Variants in RNF167 observed in about 807,000 individuals in gnomAD.
The protein encoded by RNF167 is E3 ubiquitin-protein ligase RNF167.
In RNF167, 19 loss-of-function variants were observed where a neutral mutation model predicts 34.8. The observed-to-expected ratio is 0.55, with a 90% CI of 0.38 to 0.80. The LOEUF is 0.80. RNF167 is among the 30% of genes least tolerant of loss of function. RNF167 has a pLI of 0.00. For missense variants in RNF167, 464 were observed against 447.0 expected, an observed-to-expected ratio of 1.04 and a Z score of -0.34; for synonymous variants, 200 against 170.4, an observed-to-expected ratio of 1.17 and a Z score of -1.35.
Position 4,943,160 on chromosome 17 carries a change from C to G in RNF167, c.471-19C>G. ...CTTTGCCTTTCTCGCCCTGCTGAGA[C>G]TGGTCATCCTTTTCCCAGGGCTCGG... On this transcript the variant is annotated intron_variant, in intron 6 of 9. Coordinates refer to ENST00000262482, the MANE Select transcript of RNF167 (RefSeq NM_015528.3). The G allele has an allele frequency of 4.4e-6, 7 of 1,606,204 alleles. No individual in the cohort carries two copies. Among genetic ancestry groups the G allele is most frequent in the Non-Finnish European group, 6.0e-6 (7 of 1,173,210 alleles).
chr17:4,943,962 A>C (rs1459858558), intron 8 of RNF167, among the ~76,000 whole-genome samples: 1 of 152,248 alleles, frequency 6.6e-6, no homozygotes, highest in Non-Finnish European at 1.5e-5. Context: ...ACTGTGCTCC[A>C]GCCTGGGCGA....
chr17:4,942,030 AGAATT>A (rs1169312779), intron 3 of RNF167, among the ~76,000 whole-genome samples: 2 of 152,234 alleles, frequency 1.3e-5, no homozygotes, highest in Non-Finnish European at 2.9e-5. Flanking sequence ...GGGTGGTTTG[AGAATT>A]GAATTACAAT....
In RNF167 at chr17:4,944,707, C is replaced by T. The variant is rs780552495; in HGVS notation, c.752-8C>T. ...CCACCAGGTGCTTCACCTTGTTCCT[C>T]TCTGCAGCCTACCACAGCCGCTGCG... On this transcript the variant is annotated splice_polypyrimidine_tract_variant and splice_region_variant and intron_variant, in intron 9 of 9. Transcript: ENST00000262482. 5 of 1,614,024 alleles carry T rather than the reference C, an allele frequency of 3.1e-6. No individual in the cohort carries two copies. The highest frequency in any genetic ancestry group is 4.2e-6 in the Non-Finnish European group (5 of 1,180,024).
rs1971193364 is a variant in RNF167, at chr17:4,944,590, G to A, written c.703G>A (p.Asp235Asn). ...GTATGATGTCTGTGCCATTTGCCTG[G>A]ATGAATATGAGGATGGGGACAAGCT... ...DQYDVCAICL[D>N]EYEDGDKLRV... Residue 235 changes from aspartate to asparagine, a missense_variant, in exon 9 of 10, where the codon GAT (aspartate) becomes AAT (asparagine). By Grantham distance (23) the Asp-to-Asn change is conservative (BLOSUM62 1). Transcript: ENST00000262482. 7 of 1,608,966 alleles carry A rather than the reference G, an allele frequency of 4.4e-6. No homozygotes were observed. The highest frequency in any genetic ancestry group is 4.0e-5 in the African/African-American group (3 of 74,672).
chr17:4,940,878 G>C lies in RNF167; in HGVS notation c.-32G>C. The stretch of plus-strand genomic sequence containing the variant: ...CTTCTGCTCCTTGCTACCAGGACGC[G>C]CGGCCTCCTCAGCCTCTTTCCTCCC... On this transcript the variant is annotated 5_prime_UTR_variant, in exon 2 of 10. Transcript: ENST00000262482. 1.3e-6 allele frequency: 2 copies of C among 1,524,828 alleles called. No individual in the cohort carries two copies. The highest frequency in any genetic ancestry group is 1.8e-6 in the Non-Finnish European group (2 of 1,133,122). The allele number at this position is 1,524,828 out of a possible 1,614,324, so 94.5% of individuals were successfully genotyped here. A position where few individuals can be genotyped will look rare whatever the true frequency, so the allele number is the denominator to read the frequency against.
intron 6 of RNF167, 116 bp from the exon 7 acceptor site, chr17:4,943,059 TTGAC>T (rs1311465386): frequency 6.9e-6 from 9 of 1,300,774 alleles, no homozygotes; most frequent in Middle Eastern, 2.0e-4. Context: ...CCCTGCCTCT[TTGAC>T]TTTCTTCCCA....
intron 8 of RNF167, 95 bp from the exon 9 acceptor site, chr17:4,944,463 T>C: frequency 2.7e-6 from 4 of 1,506,380 alleles, no homozygotes; most frequent in Non-Finnish European, 3.5e-6. Context: ...CCACTGGCTT[T>C]GTAGGTGAGG....
chr17:4,941,279 T>A, intron 3 of RNF167, 122 bp downstream of exon 3: 1 of 843,418 alleles, frequency 1.2e-6, no homozygotes, highest in Non-Finnish European at 1.9e-6. Flanking sequence ...TTGTCCTGGG[T>A]GAAACTGGAG....
Position 4,942,844 on chromosome 17 carries a change from C to T in RNF167, c.380-7C>T, listed in dbSNP as rs753812629. ...GAGTCCCCAGAGTAACACCTTGATC[C>T]CTGCAGAGGAAATCCAGCAGCAGAT... is the stretch of plus-strand genomic sequence containing the variant. On this transcript the variant is annotated splice_polypyrimidine_tract_variant and splice_region_variant and intron_variant, in intron 5 of 9. Transcript: ENST00000262482. The T allele has an allele frequency of 6.2e-7, 1 of 1,613,516 alleles. No homozygotes were observed. The highest frequency in any genetic ancestry group is 8.5e-7 in the Non-Finnish European group (1 of 1,179,454).
In RNF167 at chr17:4,943,508, A is replaced by G. The variant is rs746761697; in HGVS notation, c.659A>G (p.Asp220Gly). ...KEQLKQIPTH[D>G]YQKGDQYDVC... ...CAACTGAAACAGATTCCTACACATG[A>G]CTATCAGAAGGGTGAGGGGGTTAGG... Residue 220 changes from aspartate to glycine, a missense_variant, in exon 8 of 10, where the codon GAC (aspartate) becomes GGC (glycine). Coordinates refer to ENST00000262482, the MANE Select transcript of RNF167 (RefSeq NM_015528.3). 1 of 1,613,148 alleles carries G rather than the reference A, an allele frequency of 6.2e-7. No individual in the cohort carries two copies. The highest frequency in any genetic ancestry group is 2.2e-5 in the East Asian group (1 of 44,878).
intron 8 of RNF167, 191 bp from the exon 9 acceptor site, chr17:4,944,367 C>T (rs1971161745): frequency 7.6e-7 from 1 of 1,317,980 alleles, no homozygotes. Flanking sequence ...CCCTTCTTAC[C>T]TCTGCTTCTC....
rs747483870 is a variant in RNF167, at chr17:4,944,761, G to A, written c.798G>A (p.Lys266=). ...CVDPWLTQTR[K]TCPICKQPVH... ...ACCCCTGGCTCACTCAGACCCGGAAGACCTGCCCCATTTGCAAGCAGCCTG... is the reference window on the plus strand; with the variant it reads ...ACCCCTGGCTCACTCAGACCCGGAAAACCTGCCCCATTTGCAAGCAGCCTG... Residue 266 remains lysine, a synonymous_variant, in exon 10 of 10, where the codon AAG becomes AAA. Transcript: ENST00000262482. The A allele has an allele frequency of 1.2e-6, 2 of 1,613,222 alleles. No individual in the cohort carries two copies. The highest frequency in any genetic ancestry group is 1.7e-6 in the Non-Finnish European group (2 of 1,179,526).
At chr17:4,944,000 A>G (rs758552446) in intron 8 of RNF167, among the ~76,000 whole-genome samples, 1 of 152,206 alleles carries the variant, frequency 6.6e-6, no homozygotes. Flanking sequence ...TCAAAAAAAT[A>G]ATAATAAAAA....
chr17:4,942,313 C>T, intron 3 of RNF167, 28 bp from the exon 4 acceptor site: 1 of 1,610,300 alleles, frequency 6.2e-7, no homozygotes, highest in Non-Finnish European at 8.5e-7. Flanking sequence ...AAGGAGAAAT[C>T]TCACTGTTGT....
In RNF167 at chr17:4,944,611, A is replaced by G. The variant is rs147438166; in HGVS notation, c.724A>G (p.Lys242Glu). The G allele has an allele frequency of 1.4e-5, 22 of 1,612,408 alleles. No individual in the cohort carries two copies. The highest frequency in any genetic ancestry group is 5.0e-5 in the Admixed American group (3 of 59,588). ...CCTGGATGAATATGAGGATGGGGACAAGCTGCGGGTACTCCCCTGTGCTCA... is the reference window on the plus strand; with the variant it reads ...CCTGGATGAATATGAGGATGGGGACGAGCTGCGGGTACTCCCCTGTGCTCA... ...ICLDEYEDGD[K>E]LRVLPCAHAY... is the part of the protein sequence containing the mutation. The change falls in exon 9 of 10, where the codon AAG becomes GAG. Residue 242 changes from lysine (K) to glutamate (E), a missense_variant. Physicochemically the swap from Lys to Glu is moderately conservative, Grantham distance 56. Transcript: ENST00000262482.
chr17:4,944,886 C>G lies in RNF167; in HGVS notation c.923C>G (p.Thr308Ser), dbSNP rs1397000753. The G allele has an allele frequency of 1.9e-6, 3 of 1,614,004 alleles. No homozygotes were observed. The highest frequency in any genetic ancestry group is 2.5e-6 in the Non-Finnish European group (3 of 1,179,968). The change falls in exon 10 of 10, where the codon ACC (threonine) becomes AGC (serine). Residue 308 changes from threonine (T) to serine (S), a missense_variant. Transcript: ENST00000262482. ...EPRDHPASER[T>S]PLLGSSPTLP... ...AGGGACCACCCTGCCTCAGAAAGGA[C>G]CCCACTTTTGGGTTCTAGCCCCACT...
chr17:4,944,883 G>C lies in RNF167; in HGVS notation c.920G>C (p.Arg307Thr). Reference protein sequence around the residue: ...GEPRDHPASERTPLLGSSPTL... With the variant: ...GEPRDHPASETTPLLGSSPTL... ...CCAAGGGACCACCCTGCCTCAGAAA[G>C]GACCCCACTTTTGGGTTCTAGCCCC... The change falls in exon 10 of 10, where the codon AGG (arginine) becomes ACG (threonine). Residue 307 changes from arginine to threonine, a missense_variant. Coordinates refer to ENST00000262482, the MANE Select transcript of RNF167 (RefSeq NM_015528.3). 6.2e-6 allele frequency: 10 copies of C among 1,613,994 alleles called. No individual in the cohort carries two copies. The highest frequency in any genetic ancestry group is 1.7e-4 in the Middle Eastern group (1 of 6,060).
Position 4,942,407 on chromosome 17 carries a change from G to C in RNF167, c.232G>C (p.Val78Leu), listed in dbSNP as rs1230482797. Reference protein sequence around the residue: ...SPIAPPPPAPVNGSVFIALLR... With the variant: ...SPIAPPPPAPLNGSVFIALLR... ...CATTGCCCCACCACCCCCAGCCCCG[G>C]TCAATGGGTCAGTCTTTATTGCGCT... Residue 78 changes from valine (V) to leucine (L), a missense_variant, in exon 4 of 10, where the codon GTC becomes CTC. By Grantham distance (32) the Val-to-Leu change is conservative. Transcript: ENST00000262482. 1.9e-6 allele frequency: 3 copies of C among 1,614,166 alleles called. No individual in the cohort carries two copies. The highest frequency in any genetic ancestry group is 2.2e-5 in the East Asian group (1 of 44,864).
In RNF167 at chr17:4,941,013, G is replaced by A. The variant is rs890519845; in HGVS notation, c.84+20G>A. 3 of 1,613,396 alleles carry A rather than the reference G, an allele frequency of 1.9e-6. No homozygotes were observed. The highest frequency in any genetic ancestry group is 2.5e-6 in the Non-Finnish European group (3 of 1,179,400). ...CGAGCGGTGAGTCTGAGGGACGGAT[G>A]GGGAAAGGGCGCTGAAAGGAAGGGT... On this transcript the variant is annotated intron_variant, in intron 2 of 9. Transcript: ENST00000262482.
Sources: allele counts gnomAD v4.1 joint callset (sites outside exome capture counted in the v4.1 genomes callset), GRCh38; gene constraint gnomAD v4.1.1; transcripts MANE v1.5; gene names NCBI Gene and HGNC (gene_info 2026-07-23, HGNC 2026-07-21).